URB1: variants seen among roughly 807,000 people sequenced by gnomAD.
The protein encoded by URB1 is URB1 ribosome biogenesis factor.
A neutral mutation model predicts 242.3 loss-of-function variants in URB1; 197 were observed. The ratio of observed to expected loss-of-function variants is 0.81; its 90% CI spans 0.72 to 0.91. The LOEUF (loss-of-function observed/expected upper bound fraction) is 0.91, where lower values mean the gene tolerates loss of function less well. Among genes scored for constraint, URB1 ranks in the 40% least tolerant of loss-of-function variants. URB1 has a pLI of 0.00. For synonymous variants in URB1, 1,153 were observed against 1,201.8 expected (o/e 0.96, Z 0.84); for missense variants, 2,721 against 2,860.5 (o/e 0.95, Z 1.11).
At chr21:32,388,317 A>G (rs1302380184) in intron 1 of URB1, among the ~76,000 whole-genome samples, 1 of 152,240 alleles carries the variant, frequency 6.6e-6, no homozygotes, top group African/African-American at 2.4e-5. Context: ...CACATAAAGC[A>G]TCCAGCATCA....
intron 30 of URB1, among the ~76,000 whole-genome samples, chr21:32,325,965 G>C (rs1037405913): frequency 2.6e-5 from 4 of 152,202 alleles, no homozygotes; most frequent in Non-Finnish European, 5.9e-5. Context: ...TCAAGCTTAA[G>C]CAAAAGCTAC....
Position 32,361,052 on chromosome 21 carries a change from G to T in URB1, c.1711C>A (p.His571Asn), listed in dbSNP as rs886434084. Residue 571 changes from histidine (H) to asparagine (N), a missense_variant, in exon 13 of 39, where the codon CAC becomes AAC. His to Asn is a moderately conservative substitution (Grantham distance 68). Coordinates refer to ENST00000382751, the MANE Select transcript of URB1 (RefSeq NM_014825.3). ...TCAAAGTTGTACTGCATGACCACGT[G>T]GGGGACCACCTTCTGGTAGAGGCAT... ...VICLYQKVVP[H>N]VVMQYNFDFS... 8.4e-6 allele frequency: 13 copies of T among 1,551,134 alleles called. No homozygotes were observed. Among genetic ancestry groups the T allele is most frequent in the Non-Finnish European group, 8.7e-6 (10 of 1,146,910 alleles).
In URB1 at chr21:32,354,730, T is replaced by C. The variant is rs2033199016; in HGVS notation, c.2245+129A>G. 1.6e-5 allele frequency: 19 copies of C among 1,225,060 alleles called. 1 individual carries two copies. The South Asian group carries it at 3.3e-4, about 21-fold the overall frequency. 75.9% of individuals were successfully genotyped at this position (1,225,060 alleles called of 1,614,324 possible). A position where few individuals can be genotyped will look rare whatever the true frequency, so the allele number is the denominator to read the frequency against. On this transcript the variant is annotated intron_variant, in intron 17 of 38. Coordinates refer to ENST00000382751, the MANE Select transcript of URB1 (RefSeq NM_014825.3). ...GGAGATTATTTCCAGAACAGGCTGG[T>C]CTTTGCTGCAAAGGGACTGTGTGCA...
At position 32,311,471 on chromosome 21, in the gene URB1, G is replaced by C; in HGVS notation, c.*3447C>G. On this transcript the variant is annotated 3_prime_UTR_variant, in exon 39 of 39. Transcript: ENST00000382751. ...AGTGGCCTCCAGGGAAAGACCTGAG[G>C]CCTAGTTCCTGACAAAGCACTTCCT... The C allele has an allele frequency of 1.9e-6, 1 of 520,682 alleles. No homozygotes were observed. The highest frequency in any genetic ancestry group is 3.3e-6 in the Non-Finnish European group (1 of 307,416). 32.3% of individuals were successfully genotyped at this position (520,682 alleles called of 1,614,324 possible). A position where few individuals can be genotyped will look rare whatever the true frequency, so the allele number is the denominator to read the frequency against.
At chr21:32,391,073 T>C (rs1257195689) in intron 1 of URB1, among the ~76,000 whole-genome samples, 3 of 152,128 alleles carry the variant, frequency 2.0e-5, no homozygotes, top group East Asian at 1.9e-4. Flanking sequence ...TGTAGGGACA[T>C]GGATGAAGCT....
Position 32,314,044 on chromosome 21 carries a change from C to G in URB1, c.*874G>C, listed in dbSNP as rs2032637538. ...AAAATTACAGGCTGTCTTCTCAAAG[C>G]AGAGGTCAAATCACTTTTATTCTTT... is the stretch of plus-strand genomic sequence containing the variant. On this transcript the variant is annotated 3_prime_UTR_variant, in exon 39 of 39. Coordinates refer to ENST00000382751, the MANE Select transcript of URB1 (RefSeq NM_014825.3). 1 of 154,146 alleles carries G rather than the reference C, an allele frequency of 6.5e-6. No homozygotes were observed. Among genetic ancestry groups the G allele is most frequent in the Non-Finnish European group, 1.4e-5 (1 of 69,372 alleles). 9.5% of individuals were successfully genotyped at this position (154,146 alleles called of 1,614,324 possible).
At chr21:32,383,609 C>G (rs117196125) in intron 3 of URB1, 55 bp from the exon 4 acceptor site, 43,260 of 1,480,344 alleles carry the variant, frequency 0.029, 1,819 homozygotes, top group Admixed American at 0.19. Context: ...AAGCACAGAG[C>G]CGCCTCACCA....
chr21:32,379,199 C>A (rs961536030), intron 4 of URB1, among the ~76,000 whole-genome samples: 15 of 152,232 alleles, frequency 9.9e-5, no homozygotes, highest in Non-Finnish European at 1.6e-4. Context: ...TCTAGGGAAG[C>A]CGCTGATCAG....
At chr21:32,327,233 T>C (rs1016186609) in intron 30 of URB1, among the ~76,000 whole-genome samples, 1 of 152,092 alleles carries the variant, frequency 6.6e-6, no homozygotes, top group Non-Finnish European at 1.5e-5. Flanking sequence ...AAAAAAATCT[T>C]AAGAGCAGCC....
intron 38 of URB1, among the ~76,000 whole-genome samples, chr21:32,316,049 GTGCACACACACGCGCATGCACA>G (rs1463077104): frequency 3.3e-5 from 5 of 152,224 alleles, no homozygotes; most frequent in Admixed American, 1.3e-4. Flanking sequence ...GAAGCTCTAT[GTGCACACACACGCGCATGCACA>G]TGCACATGCG....
rs180839030 is a variant in URB1, at chr21:32,387,438, A to C, written c.143-1754T>G. ...GTCTCAAAAACAAAACAAAACAAAA[A>C]AAACCCTGCCTCTCTCTGGTTCCAC... On this transcript the variant is annotated intron_variant, in intron 1 of 38. Transcript: ENST00000382751. Among the ~76,000 whole-genome samples the C allele has an allele frequency of 7.2e-3, 1,094 of 152,230 alleles. 10 individuals carry two copies. Among genetic ancestry groups the C allele is most frequent in the African/African-American group, 0.025 (1,058 of 41,524 alleles).
Position 32,323,667 on chromosome 21 carries a change from A to G in URB1, c.5233+824T>C, listed in dbSNP as rs575721545. ...AGTTTTTACTGTGCCAGGCACTTAC[A>G]TGTGTGTTAGTGTGCGTGATCTAGG... is the stretch of plus-strand genomic sequence containing the variant. On this transcript the variant is annotated intron_variant, in intron 32 of 38. Coordinates refer to ENST00000382751, the MANE Select transcript of URB1 (RefSeq NM_014825.3). Among the ~76,000 whole-genome samples the G allele has an allele frequency of 3.9e-5, 6 of 152,214 alleles. No individual in the cohort carries two copies. In the South Asian group the frequency reaches 1.2e-3, roughly 32 times the overall value.
intron 12 of URB1, 36 bp from the exon 13 acceptor site, chr21:32,361,159 A>AAAAG (rs3056303): frequency 0.045 from 12,043 of 270,194 alleles, 810 homozygotes; most frequent in East Asian, 0.17. Context: ...AAAAAGAGAA[A>AAAAG]AAAGAAAGAA....
intron 5 of URB1, among the ~76,000 whole-genome samples, chr21:32,375,784 A>C (rs2033452804): frequency 6.6e-6 from 1 of 151,994 alleles, no homozygotes; most frequent in South Asian, 2.1e-4. Context: ...GTCTCCAAAA[A>C]AAAATTTAAA....
rs542773245 is a variant in URB1, at chr21:32,334,402, A to C, written c.4686-68T>G. 4.1e-6 allele frequency: 6 copies of C among 1,469,892 alleles called. No homozygotes were observed. The East Asian group carries it at 1.3e-4, about 31-fold the overall frequency. 91.1% of individuals were successfully genotyped at this position (1,469,892 alleles called of 1,614,324 possible). On this transcript the variant is annotated intron_variant, in intron 28 of 38. Transcript: ENST00000382751. Reference sequence around the variant, plus strand: ...CGGGAACAGAATTAATCATGATAACAACAACAGGTAGCAGTTGTCAGGCTG... The same window carrying C: ...CGGGAACAGAATTAATCATGATAACCACAACAGGTAGCAGTTGTCAGGCTG...
rs1164498269 is a variant in URB1 at position 32,311,810 on chromosome 21, G to A, written c.*3108C>T. 7 of 1,613,950 alleles carry A rather than the reference G, an allele frequency of 4.3e-6. No homozygotes were observed. The African/African-American group carries it at 5.3e-5, about 12-fold the overall frequency. ...CCTCACAGGCTCAGGCGAGCTCAGT[G>A]GAGCCAGGGAGCAGAACTGGCCCTG... is the stretch of plus-strand genomic sequence containing the variant. On this transcript the variant is annotated 3_prime_UTR_variant, in exon 39 of 39. Coordinates refer to ENST00000382751, the MANE Select transcript of URB1 (RefSeq NM_014825.3).
intron 6 of URB1, 96 bp downstream of exon 6, chr21:32,375,302 A>G: frequency 2.8e-6 from 2 of 724,338 alleles, no homozygotes; most frequent in Non-Finnish European, 4.3e-6. Flanking sequence ...TATGTAAGAT[A>G]AGATGTTGTA....
intron 14 of URB1, among the ~76,000 whole-genome samples, chr21:32,359,316 G>C (rs1286724131): frequency 6.6e-6 from 1 of 152,024 alleles, no homozygotes; most frequent in Non-Finnish European, 1.5e-5. Flanking sequence ...TTAACATTAT[G>C]TTCTCCAAAA....
chr21:32,330,988 A>G (rs2032886979), intron 30 of URB1, among the ~76,000 whole-genome samples: 1 of 152,236 alleles, frequency 6.6e-6, no homozygotes, highest in Non-Finnish European at 1.5e-5. Flanking sequence ...GGGCACTGAT[A>G]GAGGATTGGC....
Sources: allele counts gnomAD v4.1 joint callset (sites outside exome capture counted in the v4.1 genomes callset), GRCh38; gene constraint gnomAD v4.1.1; transcripts MANE v1.5; gene names NCBI Gene and HGNC (gene_info 2026-07-23, HGNC 2026-07-21).